ZBTB8A: variants seen among roughly 807,000 people sequenced by gnomAD.
ZBTB8A encodes zinc finger and BTB domain-containing protein 8A.
ZBTB8A carries 19 observed loss-of-function variants against 37.8 expected under a neutral mutation model. The observed-to-expected ratio is 0.50, with a 90% CI of 0.35 to 0.74. The LOEUF is 0.74. Ranked by LOEUF, ZBTB8A falls within the 30% of genes least tolerant of loss-of-function variation. The pLI, the probability that ZBTB8A is intolerant of heterozygous loss-of-function variation, is 0.01. For synonymous variants in ZBTB8A, 181 were observed against 185.2 expected (o/e 0.98, Z 0.19); for missense variants, 394 against 537.8 (o/e 0.73, Z 2.65).
chr1:32,552,881 ATGAT>A (rs1644168073), intron 1 of ZBTB8A, among the ~76,000 whole-genome samples: 1 of 148,482 alleles, frequency 6.7e-6, no homozygotes, highest in Non-Finnish European at 1.5e-5. Flanking sequence ...AATAATATTA[ATGAT>A]TTATTTATAT....
chr1:32,578,974 G>T (rs1049437942), intron 2 of ZBTB8A, among the ~76,000 whole-genome samples: 1 of 152,086 alleles, frequency 6.6e-6, no homozygotes, highest in Non-Finnish European at 1.5e-5. Context: ...TGGTTTACTT[G>T]TTAATTTGTT....
intron 1 of ZBTB8A, among the ~76,000 whole-genome samples, chr1:32,552,148 G>A (rs1323829319): frequency 2.0e-5 from 3 of 151,968 alleles, no homozygotes; most frequent in Admixed American, 6.6e-5. Context: ...GGGATCGCTT[G>A]AGCCCGGGAG....
intron 2 of ZBTB8A, among the ~76,000 whole-genome samples, chr1:32,561,933 G>A (rs890574989): frequency 6.6e-6 from 1 of 151,914 alleles, no homozygotes; most frequent in African/African-American, 2.4e-5. Flanking sequence ...GAAGGAGGTG[G>A]TACATACTTT....
intron 1 of ZBTB8A, among the ~76,000 whole-genome samples, chr1:32,549,456 T>C (rs531558515): frequency 6.6e-6 from 1 of 150,522 alleles, no homozygotes; most frequent in African/African-American, 2.4e-5. Flanking sequence ...ATCACACCGT[T>C]GCACTCCAGC....
At chr1:32,554,077 A>G (rs1040727404) in intron 2 of ZBTB8A, among the ~76,000 whole-genome samples, 2 of 150,380 alleles carry the variant, frequency 1.3e-5, no homozygotes, top group Non-Finnish European at 3.0e-5. Context: ...CTGGGCGCCT[A>G]TAATCCCAGG....
In ZBTB8A at chr1:32,595,362, G is replaced by C; in HGVS notation, c.993+139G>C. ...AGCTCGCTGCAACCTCTGCCTCCCG[G>C]GTTCAAGCAATTCTCCTGCCTCAGC... is the stretch of plus-strand genomic sequence containing the variant. On this transcript the variant is annotated intron_variant, in intron 4 of 4. Transcript: ENST00000373510. The C allele has an allele frequency of 1.0e-5, 8 of 800,402 alleles. No individual in the cohort carries two copies. The Middle Eastern group carries it at 1.2e-3, about 115-fold the overall frequency. The allele number at this position is 800,402 out of a possible 1,614,324, so 49.6% of individuals were successfully genotyped here.
intron 1 of ZBTB8A, among the ~76,000 whole-genome samples, chr1:32,551,938 CTGTTCAG>C (rs1644160064): frequency 6.6e-6 from 1 of 151,944 alleles, no homozygotes; most frequent in African/African-American, 2.4e-5. Context: ...TAAAGCTATT[CTGTTCAG>C]TTTTCTTCTA....
In ZBTB8A at chr1:32,601,751, G is replaced by T. The variant is rs778713298; in HGVS notation, c.*1332G>T. ...AATAGAAGTCAAACCTCACCAGTTG[G>T]CAGTCATTATAAAAATAAGCCAATC... On this transcript the variant is annotated 3_prime_UTR_variant, in exon 5 of 5. Coordinates refer to ENST00000373510, the MANE Select transcript of ZBTB8A (RefSeq NM_001040441.3). 1.8e-5 allele frequency: 7 copies of T among 398,064 alleles called. No homozygotes were observed. The highest frequency in any genetic ancestry group is 2.7e-5 in the Non-Finnish European group (6 of 225,876). 24.7% of individuals were successfully genotyped at this position (398,064 alleles called of 1,614,324 possible).
intron 2 of ZBTB8A, among the ~76,000 whole-genome samples, chr1:32,582,749 T>C (rs1644417181): frequency 6.6e-6 from 1 of 152,144 alleles, no homozygotes; most frequent in Non-Finnish European, 1.5e-5. Context: ...GACATAACCA[T>C]GCATATATTA....
In ZBTB8A at chr1:32,604,190, A is replaced by G. The variant is rs894618582; in HGVS notation, c.*3771A>G. ...GTGTCTGGGTATAGGATGAAGCATT[A>G]CAAAAAGAAAGCACCACTGCAGTCA... On this transcript the variant is annotated 3_prime_UTR_variant, in exon 5 of 5. Coordinates refer to ENST00000373510, the MANE Select transcript of ZBTB8A (RefSeq NM_001040441.3). The G allele has an allele frequency of 6.6e-6, 1 of 152,192 alleles. No individual in the cohort carries two copies. The highest frequency in any genetic ancestry group is 1.5e-5 in the Non-Finnish European group (1 of 68,030). The allele number at this position is 152,192 out of a possible 1,614,324, so 9.4% of individuals were successfully genotyped here.
In ZBTB8A at chr1:32,558,895, C is replaced by A. The variant is rs191015790; in HGVS notation, c.-2+5355C>A. On this transcript the variant is annotated intron_variant, in intron 2 of 4. Transcript: ENST00000373510. ...GCAGCTACAATGTCCCAGGCGCCTG[C>A]AGAGTTCTTGACATTTACAATGTTG... 2.1e-3 allele frequency among the ~76,000 whole-genome samples: 324 copies of A among 152,264 alleles called. 2 individuals are homozygous for A. The highest frequency in any genetic ancestry group is 7.4e-3 in the African/African-American group (307 of 41,568).
intron 2 of ZBTB8A, among the ~76,000 whole-genome samples, chr1:32,556,962 T>C (rs1052251325): frequency 1.3e-5 from 2 of 152,016 alleles, no homozygotes; most frequent in Non-Finnish European, 2.9e-5. Context: ...TCCGTGTCAG[T>C]AGAGTGTTTT....
chr1:32,596,043 C>T (rs1485503944), intron 4 of ZBTB8A, among the ~76,000 whole-genome samples: 2 of 151,968 alleles, frequency 1.3e-5, no homozygotes, highest in Non-Finnish European at 2.9e-5. Flanking sequence ...GAGGCCAAGG[C>T]GGGCAGATTG....
chr1:32,600,061 T>C, intron 4 of ZBTB8A, 26 bp from the exon 5 acceptor site: 2 of 1,575,940 alleles, frequency 1.3e-6, no homozygotes, highest in Non-Finnish European at 1.7e-6. Flanking sequence ...AAAATCACTT[T>C]TATCACTATT....
At chr1:32,584,159 C>G (rs1222004450) in intron 2 of ZBTB8A, among the ~76,000 whole-genome samples, 3 of 152,058 alleles carry the variant, frequency 2.0e-5, no homozygotes, top group African/African-American at 7.2e-5. Flanking sequence ...TGCTTCAAAC[C>G]AAGGAACACC....
rs908289049 is a variant in ZBTB8A at position 32,601,297 on chromosome 1, A to C, written c.*878A>C. On this transcript the variant is annotated 3_prime_UTR_variant, in exon 5 of 5. Transcript: ENST00000373510. Reference sequence around the variant, plus strand: ...GAAACCAGCCTGGCCAACATGGTGAAACCTCGTCTCTACTAAAAAATACAA... The same window carrying C: ...GAAACCAGCCTGGCCAACATGGTGACACCTCGTCTCTACTAAAAAATACAA... 1 of 174,400 alleles carries C rather than the reference A, an allele frequency of 5.7e-6. No homozygotes were observed. The highest frequency in any genetic ancestry group is 2.4e-5 in the African/African-American group (1 of 42,464). The allele number at this position is 174,400 out of a possible 1,614,324, so 10.8% of individuals were successfully genotyped here.
chr1:32,601,365 T>G lies in ZBTB8A; in HGVS notation c.*946T>G. 1 of 276,274 alleles carries G rather than the reference T, an allele frequency of 3.6e-6. No homozygotes were observed. The highest frequency in any genetic ancestry group is 6.7e-6 in the Non-Finnish European group (1 of 149,602). 17.1% of individuals were successfully genotyped at this position (276,274 alleles called of 1,614,324 possible). On this transcript the variant is annotated 3_prime_UTR_variant, in exon 5 of 5. Coordinates refer to ENST00000373510, the MANE Select transcript of ZBTB8A (RefSeq NM_001040441.3). ...GGCGGGTGCCTATAATCCCAGCTAC[T>G]CGGGAGGCTGAGGCAGGAGAATCGA...
rs1215233987 is a variant in ZBTB8A, at chr1:32,602,740, A to C, written c.*2321A>C. On this transcript the variant is annotated 3_prime_UTR_variant, in exon 5 of 5. Transcript: ENST00000373510. Reference sequence around the variant, plus strand: ...CTAATTTTTTGTATTTTTAATAGAGATGGGGTTTCACCGTGTTAGCCAGGA... The same window carrying C: ...CTAATTTTTTGTATTTTTAATAGAGCTGGGGTTTCACCGTGTTAGCCAGGA... 1 of 151,896 alleles carries C rather than the reference A, an allele frequency of 6.6e-6. No individual in the cohort carries two copies. The highest frequency in any genetic ancestry group is 2.0e-4 in the East Asian group (1 of 5,114). The allele number at this position is 151,896 out of a possible 1,614,324, so 9.4% of individuals were successfully genotyped here.
At chr1:32,579,187 A>G (rs1194263308) in intron 2 of ZBTB8A, among the ~76,000 whole-genome samples, 1 of 152,052 alleles carries the variant, frequency 6.6e-6, no homozygotes, top group Non-Finnish European at 1.5e-5. Flanking sequence ...ACTGGCTCAC[A>G]CCTAAAATAC....
Sources: gnomAD v4.1 joint callset for allele counts (sites outside exome capture counted in the v4.1 genomes callset) on GRCh38, gnomAD v4.1.1 for gene constraint, MANE v1.5 for transcripts, NCBI Gene and HGNC (gene_info 2026-07-23, HGNC 2026-07-21) for gene names.